The following DHRSX variants were observed in gnomAD, a reference collection of about 807,000 sequenced individuals.
DHRSX encodes the protein dehydrogenase/reductase X-linked, also known as polyprenol dehydrogenase.
Under a neutral mutation model 34.0 loss-of-function variants are expected in DHRSX, and 31 were observed. That is an observed-to-expected ratio of 0.91 (90% confidence interval 0.69 to 1.23). The LOEUF (loss-of-function observed/expected upper bound fraction) is 1.23, where lower values mean the gene tolerates loss of function less well. Among genes scored for constraint, DHRSX ranks in the 50% most tolerant of loss-of-function variants. The pLI, the probability that DHRSX is intolerant of heterozygous loss-of-function variation, is 0.00. For synonymous variants in DHRSX, 201 were observed against 183.8 expected (o/e 1.09, Z -0.76); for missense variants, 414 against 428.1 (o/e 0.97, Z 0.29).
intron 1 of DHRSX, among the ~76,000 whole-genome samples, chrX:2,491,638 T>A (rs1475202421): frequency 6.6e-6 from 1 of 152,200 alleles, no homozygotes; most frequent in Admixed American, 6.5e-5. Context: ...CACTGCACAC[T>A]CTTCTCAAAC....
rs748364927 is a variant in DHRSX at position 2,258,491 on chromosome X, G to A, written c.596+8249C>T. On this transcript the variant is annotated intron_variant, in intron 5 of 6. Transcript: ENST00000334651. ...AAGACACCTCATAAGAGGAGGAGAT[G>A]AGGACACAGACACACACAGAGGGAT... 2.0e-3 allele frequency among the ~76,000 whole-genome samples: 298 copies of A among 152,184 alleles called. 2 individuals are homozygous for A. Among genetic ancestry groups the A allele is most frequent in the Non-Finnish European group, 2.4e-3 (165 of 68,014 alleles).
chrX:2,481,771 C>CGGAGGGCTGGGCCTGCTCA (rs1254183896), intron 1 of DHRSX, among the ~76,000 whole-genome samples: 1 of 152,062 alleles, frequency 6.6e-6, no homozygotes, highest in Non-Finnish European at 1.5e-5. Context: ...AGTTATTACT[C>CGGAGGGCTGGGCCTGCTCA]GGAGGGCTGG....
intron 3 of DHRSX, among the ~76,000 whole-genome samples, chrX:2,397,076 C>T (rs1291318470): frequency 2.6e-5 from 4 of 152,216 alleles, no homozygotes; most frequent in Non-Finnish European, 5.9e-5. Context: ...TCATGGCTCA[C>T]CACAGCCTTG....
chrX:2,419,129 A>G (rs2043737237), intron 2 of DHRSX, among the ~76,000 whole-genome samples: 1 of 152,130 alleles, frequency 6.6e-6, no homozygotes, highest in Admixed American at 6.5e-5. Context: ...CAAAGTTCCT[A>G]TGTTGAAATT....
At chrX:2,252,644 G>A (rs1312292172) in intron 5 of DHRSX, among the ~76,000 whole-genome samples, 1 of 152,154 alleles carries the variant, frequency 6.6e-6, no homozygotes, top group Non-Finnish European at 1.5e-5. Context: ...ACACAGTAGC[G>A]TGGAGAAGAG....
At chrX:2,381,720 G>A (rs1476939830) in intron 3 of DHRSX, among the ~76,000 whole-genome samples, 5 of 146,896 alleles carry the variant, frequency 3.4e-5, no homozygotes, top group South Asian at 2.1e-4. Flanking sequence ...CCCTAAGAGC[G>A]ACAGGTAGAG....
chrX:2,287,378 A>C (rs1158237922), intron 4 of DHRSX, among the ~76,000 whole-genome samples: 4 of 152,036 alleles, frequency 2.6e-5, no homozygotes, highest in African/African-American at 7.2e-5. Flanking sequence ...CTCATGTGGA[A>C]GACAGAATAA....
intron 5 of DHRSX, among the ~76,000 whole-genome samples, chrX:2,253,270 G>A (rs1348427721): frequency 6.6e-6 from 1 of 151,964 alleles, no homozygotes; most frequent in African/African-American, 2.4e-5. Flanking sequence ...AGGCGGACGT[G>A]GTCGTGAGCC....
intron 3 of DHRSX, among the ~76,000 whole-genome samples, chrX:2,300,516 A>T (rs1392646419): frequency 1.3e-5 from 2 of 152,144 alleles, no homozygotes; most frequent in African/African-American, 4.8e-5. Context: ...CCCACCCTTA[A>T]TCGGGGTGGG....
At chrX:2,305,289 G>A (rs2042085528) in intron 3 of DHRSX, among the ~76,000 whole-genome samples, 1 of 152,082 alleles carries the variant, frequency 6.6e-6, no homozygotes, top group Non-Finnish European at 1.5e-5. Context: ...ACCACAATGA[G>A]ATACCACCTC....
intron 3 of DHRSX, among the ~76,000 whole-genome samples, chrX:2,297,047 C>T: frequency 6.6e-6 from 1 of 152,212 alleles, no homozygotes; most frequent in Non-Finnish European, 1.5e-5. Context: ...GAATAGGACC[C>T]AGGCAGGCAC....
intron 3 of DHRSX, among the ~76,000 whole-genome samples, chrX:2,367,572 A>G (rs1158450032): frequency 1.3e-5 from 2 of 152,238 alleles, no homozygotes; most frequent in Non-Finnish European, 2.9e-5. Flanking sequence ...AAAATAAACA[A>G]GGACAAAGAT....
Position 2,238,040 on chromosome X carries a change from T to C in DHRSX, c.804+4983A>G, listed in dbSNP as rs776951582. ...GCATGTCTCAGCATGAAGAATGGCC[T>C]GATGCATTTGTATACAGGACAAATC... On this transcript the variant is annotated intron_variant, in intron 6 of 6. Coordinates refer to ENST00000334651, the MANE Select transcript of DHRSX (RefSeq NM_145177.3). Among the ~76,000 whole-genome samples, 11 of 152,264 alleles carry C rather than the reference T, an allele frequency of 7.2e-5. No individual in the cohort carries two copies. In the South Asian group the frequency reaches 2.1e-3, roughly 29 times the overall value.
intron 3 of DHRSX, among the ~76,000 whole-genome samples, chrX:2,383,985 G>T (rs1398652618): frequency 7.2e-5 from 11 of 152,248 alleles, no homozygotes; most frequent in Admixed American, 3.3e-4. Context: ...GTGTGACTCA[G>T]CAGGATCTCT....
At chrX:2,316,355 C>T (rs1249819537) in intron 3 of DHRSX, among the ~76,000 whole-genome samples, 2 of 152,122 alleles carry the variant, frequency 1.3e-5, no homozygotes, top group South Asian at 2.1e-4. Context: ...AGTTCGAGAC[C>T]AGCCTGGCCA....
chrX:2,481,751 G>A (rs1012658346), intron 1 of DHRSX, among the ~76,000 whole-genome samples: 3 of 152,180 alleles, frequency 2.0e-5, no homozygotes, highest in South Asian at 2.1e-4. Flanking sequence ...ACAAAGCGGC[G>A]AGTGTTCCCA....
intron 1 of DHRSX, among the ~76,000 whole-genome samples, chrX:2,475,327 A>T (rs184242418): frequency 1.3e-5 from 2 of 151,956 alleles, no homozygotes; most frequent in East Asian, 3.9e-4. Flanking sequence ...CACAATGAAG[A>T]CGTTCCCTAA....
rs774152450 is a variant in DHRSX at position 2,224,669 on chromosome X, C to T, written c.805-3440G>A. 1.7e-4 allele frequency among the ~76,000 whole-genome samples: 26 copies of T among 152,116 alleles called. 1 individual carries two copies. The South Asian group carries it at 5.0e-3, about 29-fold the overall frequency. On this transcript the variant is annotated intron_variant, in intron 6 of 6. Coordinates refer to ENST00000334651, the MANE Select transcript of DHRSX (RefSeq NM_145177.3). ...ACATGCTGACATGCACACATACATTCGTATGTACTCACATGCACACAAATA... is the reference window on the plus strand; with the variant it reads ...ACATGCTGACATGCACACATACATTTGTATGTACTCACATGCACACAAATA...
chrX:2,301,249 C>T (rs1166610609), intron 3 of DHRSX, among the ~76,000 whole-genome samples: 1 of 152,178 alleles, frequency 6.6e-6, no homozygotes, highest in Non-Finnish European at 1.5e-5. Flanking sequence ...CCTGTCTCTA[C>T]TAAAAATATA....
Sources: gnomAD v4.1 joint callset for allele counts (sites outside exome capture counted in the v4.1 genomes callset) on GRCh38, gnomAD v4.1.1 for gene constraint, MANE v1.5 for transcripts, NCBI Gene and HGNC (gene_info 2026-07-23, HGNC 2026-07-21) for gene names.